The following LPAR6 variants were observed in gnomAD, a reference collection of about 807,000 sequenced individuals.
LPAR6 encodes lysophosphatidic acid receptor 6.
LPAR6 carries 17 observed loss-of-function variants against 22.0 expected under a neutral mutation model. The observed-to-expected ratio is 0.77, with a 90% CI of 0.53 to 1.16. The LOEUF (loss-of-function observed/expected upper bound fraction) is 1.16, where lower values mean the gene tolerates loss of function less well. Among genes scored for constraint, LPAR6 ranks in the 50% most tolerant of loss-of-function variants. The pLI, the probability that LPAR6 is intolerant of heterozygous loss-of-function variation, is 0.00. For missense variants in LPAR6, 384 were observed against 406.9 expected, an observed-to-expected ratio of 0.94 and a Z score of 0.48; for synonymous variants, 136 against 139.8, an observed-to-expected ratio of 0.97 and a Z score of 0.19.
upstream of LPAR6, among the ~76,000 whole-genome samples, chr13:48,430,439 G>A (rs1012058256): frequency 2.6e-5 from 4 of 152,178 alleles, no homozygotes; most frequent in South Asian, 8.3e-4. Flanking sequence ...AAATGAGCAC[G>A]TTAGAAAAAT....
At chr13:48,405,177 ATGTT>A (rs1478616300) in intron 1 of LPAR6, among the ~76,000 whole-genome samples, 1 of 152,190 alleles carries the variant, frequency 6.6e-6, no homozygotes, top group Non-Finnish European at 1.5e-5. Context: ...AGCCCAGAAA[ATGTT>A]TGTTCCACAT....
intron 1 of LPAR6, among the ~76,000 whole-genome samples, chr13:48,405,161 G>T (rs1254926568): frequency 6.6e-6 from 1 of 152,116 alleles, no homozygotes; most frequent in Admixed American, 6.6e-5. Flanking sequence ...ATCCTACGAT[G>T]CAACAAGCCC....
intron 1 of LPAR6, among the ~76,000 whole-genome samples, chr13:48,405,219 G>A (rs553167184): frequency 6.6e-6 from 1 of 152,240 alleles, no homozygotes; most frequent in Admixed American, 6.5e-5. Flanking sequence ...CATAAAGAAT[G>A]CCTTCAACAA....
chr13:48,432,152 A>T (rs1047490512), intron 1 of LPAR6, among the ~76,000 whole-genome samples: 2 of 152,298 alleles, frequency 1.3e-5, no homozygotes, highest in African/African-American at 4.8e-5. Flanking sequence ...ATAAGGGGAC[A>T]TTTGAACAGA....
upstream of LPAR6, among the ~76,000 whole-genome samples, chr13:48,413,785 G>A (rs1948859493): frequency 6.6e-6 from 1 of 152,136 alleles, no homozygotes; most frequent in South Asian, 2.1e-4. Context: ...TATCTTTGGT[G>A]TGGTGTTAAT....
intron 1 of LPAR6, among the ~76,000 whole-genome samples, chr13:48,405,957 T>C (rs964680536): frequency 6.6e-6 from 1 of 152,242 alleles, no homozygotes; most frequent in Non-Finnish European, 1.5e-5. Flanking sequence ...TATCAATTTA[T>C]AGAGATATTT....
Position 48,411,272 on chromosome 13 carries a change from T to TA in LPAR6, c.*116dup, listed in dbSNP as rs1332637570. 1.2e-6 allele frequency: 1 copy of TA among 854,742 alleles called. No homozygotes were observed. 52.9% of individuals were successfully genotyped at this position (854,742 alleles called of 1,614,324 possible). On this transcript the variant is annotated 3_prime_UTR_variant, in exon 1 of 1. Transcript: ENST00000620633. The stretch of plus-strand genomic sequence containing the variant: ...CAAATTTTCTTTATACTAAAGACTT[T>TA]AAAATGTCCATGTGTTAATTTCTTT...
At chr13:48,415,308 C>G (rs1410087075), upstream of LPAR6, among the ~76,000 whole-genome samples, 1 of 137,024 alleles carries the variant, frequency 7.3e-6, no homozygotes, top group East Asian at 2.1e-4. Flanking sequence ...TTTTTTTTTT[C>G]TCACTCTGCC....
At position 48,412,203 on chromosome 13, in the gene LPAR6, A is replaced by G; in HGVS notation, c.221T>C (p.Ile74Thr). The G allele has an allele frequency of 6.2e-7, 1 of 1,614,036 alleles. No homozygotes were observed. The highest frequency in any genetic ancestry group is 1.1e-5 in the South Asian group (1 of 91,084). ...LLFVFTLPFR[I>T]FYFTTRNWPF... is the part of the protein sequence containing the mutation. ...CCAATTCCGTGTTGTGAAGTAAAAA[A>G]TCCTGAAGGGTAAAGTAAAAACAAA... The change falls in exon 1 of 1, where the codon ATT (isoleucine) becomes ACT (threonine). Residue 74 changes from isoleucine (I) to threonine (T), a missense_variant. Transcript: ENST00000620633.
intron 1 of LPAR6, among the ~76,000 whole-genome samples, chr13:48,432,530 A>T (rs1431728595): frequency 6.6e-6 from 1 of 151,728 alleles, no homozygotes; most frequent in Non-Finnish European, 1.5e-5. Flanking sequence ...CATTTCAGTC[A>T]CATTCCACCC....
chr13:48,417,057 G>A (rs979563867), upstream of LPAR6: 2 of 152,400 alleles, frequency 1.3e-5, no homozygotes, highest in African/African-American at 2.4e-5. Context: ...GATCTCCCAG[G>A]ACATTGCTCG....
intron 1 of LPAR6, among the ~76,000 whole-genome samples, chr13:48,402,278 G>A (rs531406352): frequency 5.9e-5 from 9 of 151,850 alleles, no homozygotes; most frequent in East Asian, 5.8e-4. Context: ...ATATTTTAAC[G>A]GGGTCTTCTG....
intron 1 of LPAR6, among the ~76,000 whole-genome samples, chr13:48,402,028 T>A (rs990385398): frequency 9.2e-5 from 14 of 152,178 alleles, no homozygotes; most frequent in Non-Finnish European, 1.9e-4. Flanking sequence ...AGTTTTTATA[T>A]TAGGTTTTAT....
chr13:48,423,054 C>T (rs570826230), intron 1 of LPAR6, among the ~76,000 whole-genome samples: 26 of 151,988 alleles, frequency 1.7e-4, no homozygotes, highest in African/African-American at 4.3e-4. Context: ...CACTTGGGCC[C>T]GGGAGATTGA....
At chr13:48,417,453 A>G (rs1948931559), upstream of LPAR6, 1 of 152,230 alleles carries the variant, frequency 6.6e-6, no homozygotes, top group Admixed American at 6.5e-5. Context: ...AAGGTAGATA[A>G]ATCCATGAAG....
At chr13:48,423,272 T>C (rs1295218984) in intron 1 of LPAR6, among the ~76,000 whole-genome samples, 1 of 152,210 alleles carries the variant, frequency 6.6e-6, no homozygotes, top group Non-Finnish European at 1.5e-5. Context: ...TTTTTGTTTT[T>C]GTTTTTGTTT....
rs147007201 is a variant in LPAR6 at position 48,440,285 on chromosome 13, C to T, written c.-1474+4268G>A. On this transcript the variant is annotated intron_variant, in intron 1 of 6. Transcript: ENST00000378434. ...AGTCAGATGTTCTACAAAATATTAA[C>T]TATTTTTCCTGAGATAGAAGTGGTT... 4.1e-4 allele frequency among the ~76,000 whole-genome samples: 62 copies of T among 152,166 alleles called. No individual in the cohort carries two copies. The Middle Eastern group carries it at 0.01, about 25-fold the overall frequency.
chr13:48,400,712 G>T (rs1391973662), intron 1 of LPAR6, among the ~76,000 whole-genome samples: 1 of 152,040 alleles, frequency 6.6e-6, no homozygotes. Flanking sequence ...TGTATCTCAG[G>T]TTTCCTTGTA....
At chr13:48,414,107 G>T (rs1173680936), upstream of LPAR6, among the ~76,000 whole-genome samples, 1 of 152,112 alleles carries the variant, frequency 6.6e-6, no homozygotes, top group Non-Finnish European at 1.5e-5. Context: ...CAGCACTTTG[G>T]AAGGCCGAGG....
Sources: gnomAD v4.1 joint callset for allele counts (sites outside exome capture counted in the v4.1 genomes callset) on GRCh38, gnomAD v4.1.1 for gene constraint, MANE v1.5 for transcripts, NCBI Gene and HGNC (gene_info 2026-07-23, HGNC 2026-07-21) for gene names.